The following PMEPA1 variants were observed in gnomAD, a reference collection of about 807,000 sequenced individuals.
The protein encoded by PMEPA1 is prostate transmembrane protein, androgen induced 1, also known as protein TMEPAI.
A neutral mutation model predicts 23.0 loss-of-function variants in PMEPA1; 11 were observed. The ratio of observed to expected loss-of-function variants is 0.48; its 90% confidence interval spans 0.30 to 0.79. PMEPA1 has a LOEUF of 0.79. PMEPA1 is among the 30% of genes least tolerant of loss of function. The pLI, the probability that PMEPA1 is intolerant of heterozygous loss-of-function variation, is 0.06. For synonymous variants in PMEPA1, 204 were observed against 166.4 expected (o/e 1.23, Z -1.74); for missense variants, 377 against 390.9 (o/e 0.96, Z 0.30).
intron 1 of PMEPA1, among the ~76,000 whole-genome samples, chr20:57,678,126 C>T (rs951871676): frequency 3.9e-5 from 6 of 152,138 alleles, no homozygotes; most frequent in African/African-American, 1.4e-4. Context: ...CACAAATCTA[C>T]GCATACAATA....
intron 1 of PMEPA1, among the ~76,000 whole-genome samples, chr20:57,668,500 C>T (rs1024199481): frequency 6.6e-6 from 1 of 152,246 alleles, no homozygotes; most frequent in Non-Finnish European, 1.5e-5. Context: ...GCTCCTCCTA[C>T]GCCTGTCCCC....
upstream of PMEPA1, chr20:57,710,033 C>T (rs1434315050): frequency 5.0e-6 from 5 of 998,456 alleles, no homozygotes; most frequent in African/African-American, 5.2e-5. Context: ...CTAGACGGGG[C>T]TGCCGGTTCC....
chr20:57,674,085 C>A (rs1412365563), intron 1 of PMEPA1, among the ~76,000 whole-genome samples: 1 of 152,168 alleles, frequency 6.6e-6, no homozygotes, highest in Non-Finnish European at 1.5e-5. Flanking sequence ...CAAAGGACCT[C>A]GTGTTATAGA....
At chr20:57,665,507 CAAA>C (rs77601752) in intron 1 of PMEPA1, among the ~76,000 whole-genome samples, 9 of 86,072 alleles carry the variant, frequency 1.0e-4, no homozygotes, top group Admixed American at 1.3e-4. Flanking sequence ...CCTCATCTGT[CAAA>C]AAAAAAAAAA....
rs1262921419 is a variant in PMEPA1 at position 57,652,367 on chromosome 20, G to A, written c.550C>T (p.Arg184Cys). The change falls in exon 4 of 4, where the codon CGC becomes TGC. Residue 184 changes from arginine (R) to cysteine (C), a missense_variant. By Grantham distance (180) the Arg-to-Cys change is radical. Transcript: ENST00000341744. This position sits in a 1 kb window ranked among gnomAD's most constrained non-coding sequence, Gnocchi z 6.1. ...QQLELNRESV[R>C]APPNRTIFDS... Reference sequence around the variant, plus strand: ...AAGATGGTTCTGTTTGGGGGTGCGCGCACCGACTCCCGGTTCAGTTCCAGC... The same window carrying A: ...AAGATGGTTCTGTTTGGGGGTGCGCACACCGACTCCCGGTTCAGTTCCAGC... The A allele has an allele frequency of 2.5e-6, 4 of 1,613,290 alleles. No individual in the cohort carries two copies. Among genetic ancestry groups the A allele is most frequent in the Admixed American group, 1.7e-5 (1 of 60,002 alleles).
intron 1 of PMEPA1, among the ~76,000 whole-genome samples, chr20:57,660,377 GCTC>G (rs949116627): frequency 9.3e-5 from 13 of 139,694 alleles, no homozygotes; most frequent in South Asian, 4.7e-4. Flanking sequence ...CACACACAAC[GCTC>G]CTAAGTACAC....
At chr20:57,706,621 G>A (rs890252439) in intron 1 of PMEPA1, among the ~76,000 whole-genome samples, 5 of 152,062 alleles carry the variant, frequency 3.3e-5, no homozygotes, top group African/African-American at 1.2e-4. Context: ...CGTGGCTCCC[G>A]GCGTACAAAG....
chr20:57,685,534 T>A (rs750996805), intron 1 of PMEPA1, among the ~76,000 whole-genome samples: 1 of 152,184 alleles, frequency 6.6e-6, no homozygotes, highest in Admixed American at 6.5e-5. Context: ...CTAAAACGAT[T>A]TGTCAGATGG....
intron 1 of PMEPA1, among the ~76,000 whole-genome samples, chr20:57,681,889 C>A (rs555944892): frequency 6.6e-6 from 1 of 152,160 alleles, no homozygotes; most frequent in African/African-American, 2.4e-5. Flanking sequence ...GTCTTCCCAC[C>A]GCTGACTCCT....
intron 2 of PMEPA1, among the ~76,000 whole-genome samples, chr20:57,653,490 G>A (rs949996694): frequency 9.2e-5 from 14 of 152,318 alleles, no homozygotes; most frequent in South Asian, 2.1e-4. Flanking sequence ...TGTGACCTGC[G>A]TCAAGTTACT....
intron 1 of PMEPA1, among the ~76,000 whole-genome samples, chr20:57,691,016 C>A (rs187321051): frequency 2.0e-5 from 3 of 152,198 alleles, no homozygotes; most frequent in African/African-American, 7.2e-5. Context: ...GCCTCCTCCT[C>A]GTCCCTACCG....
At chr20:57,710,666 C>T (rs941420642), upstream of PMEPA1, 6 of 536,092 alleles carry the variant, frequency 1.1e-5, no homozygotes, top group Admixed American at 2.1e-4. Flanking sequence ...CCGGCGGGAC[C>T]TGGGGCGAAT....
intron 1 of PMEPA1, among the ~76,000 whole-genome samples, chr20:57,663,284 T>C (rs1323732096): frequency 2.0e-5 from 3 of 152,176 alleles, no homozygotes; most frequent in Non-Finnish European, 2.9e-5. Flanking sequence ...TTGCCGAGAC[T>C]ACGGCTCAGG....
At chr20:57,696,950 C>A (rs2071949674) in intron 1 of PMEPA1, among the ~76,000 whole-genome samples, 3 of 152,240 alleles carry the variant, frequency 2.0e-5, no homozygotes, top group Non-Finnish European at 4.4e-5. Flanking sequence ...TTACTCCGGG[C>A]AGCCATGCTC....
chr20:57,670,818 A>C (rs1007994082), intron 1 of PMEPA1, among the ~76,000 whole-genome samples: 6 of 152,048 alleles, frequency 3.9e-5, no homozygotes, highest in African/African-American at 9.7e-5. Flanking sequence ...GCCTTTTTAT[A>C]CCACCCAGAG....
At chr20:57,700,525 T>C (rs1476635288) in intron 1 of PMEPA1, among the ~76,000 whole-genome samples, 2 of 151,934 alleles carry the variant, frequency 1.3e-5, no homozygotes, top group African/African-American at 4.8e-5. Flanking sequence ...CCAAGGGGAG[T>C]CTAGCACCAC....
In PMEPA1 at chr20:57,650,340, T is replaced by TGCTCTTCCAGCTGGGGGCCC. The variant is rs1381446528; in HGVS notation, c.*1693_*1712dup. On this transcript the variant is annotated 3_prime_UTR_variant, in exon 4 of 4. Transcript: ENST00000341744. ...AGGGAGGGGGTAGCAGCTGGGAGTC[T>TGCTCTTCCAGCTGGGGGCCC]GCTCTTCCAGCTGGGGGCCCTCCCA... 6.6e-6 allele frequency: 1 copy of TGCTCTTCCAGCTGGGGGCCC among 152,268 alleles called. No individual in the cohort carries two copies. Among genetic ancestry groups the TGCTCTTCCAGCTGGGGGCCC allele is most frequent in the Non-Finnish European group, 1.5e-5 (1 of 68,044 alleles). 9.4% of individuals were successfully genotyped at this position (152,268 alleles called of 1,614,324 possible).
chr20:57,663,478 A>C (rs203375), intron 1 of PMEPA1, among the ~76,000 whole-genome samples: 1 of 151,916 alleles, frequency 6.6e-6, no homozygotes, highest in Non-Finnish European at 1.5e-5. Context: ...TGTGCTCAGC[A>C]TGTAGTGCTC....
intron 1 of PMEPA1, chr20:57,699,996 C>T (rs1051748993): frequency 2.1e-6 from 1 of 470,656 alleles, no homozygotes; most frequent in South Asian, 1.5e-5. Context: ...AGATACGTGG[C>T]TCTAAATATA....
Sources: gnomAD v4.1 joint callset for allele counts (sites outside exome capture counted in the v4.1 genomes callset) on GRCh38, gnomAD v4.1.1 for gene constraint, Gnocchi (gnomAD v3.1) non-coding constraint, MANE v1.5 for transcripts, NCBI Gene and HGNC (gene_info 2026-07-23, HGNC 2026-07-21) for gene names.